CSMD1: variants seen among roughly 807,000 people sequenced by gnomAD.
CSMD1 encodes CUB and sushi domain-containing protein 1.
In CSMD1, 213 loss-of-function variants were observed where a neutral mutation model predicts 417.5. That is an observed-to-expected ratio of 0.51 (90% confidence interval 0.46 to 0.57). The LOEUF is 0.57. Among genes scored for constraint, CSMD1 ranks in the 20% least tolerant of loss-of-function variants. CSMD1 has a pLI of 0.00. For missense variants in CSMD1, 6,923 were observed against 4,529.7 expected, an observed-to-expected ratio of 1.53 and a Z score of -15.17; for synonymous variants, 2,862 against 1,736.8, an observed-to-expected ratio of 1.65 and a Z score of -16.11.
At chr8:3,244,704 G>A (rs961685577) in intron 26 of CSMD1, among the ~76,000 whole-genome samples, 2 of 152,176 alleles carry the variant, frequency 1.3e-5, no homozygotes, top group Non-Finnish European at 2.9e-5. Flanking sequence ...CCTGGACGGT[G>A]AATGGAAAAG....
intron 5 of CSMD1, among the ~76,000 whole-genome samples, chr8:3,872,060 G>C (rs962130124): frequency 6.6e-6 from 1 of 152,144 alleles, no homozygotes; most frequent in Non-Finnish European, 1.5e-5. Context: ...TGCTCTTTTA[G>C]GATACAACCT....
chr8:4,423,694 T>C (rs142323363), intron 2 of CSMD1, among the ~76,000 whole-genome samples: 1 of 151,832 alleles, frequency 6.6e-6, no homozygotes, highest in East Asian at 1.9e-4. Flanking sequence ...TTTGGGTATA[T>C]AGCAAGATCT....
chr8:3,019,603 A>G (rs1325208918), intron 51 of CSMD1, among the ~76,000 whole-genome samples: 5 of 152,206 alleles, frequency 3.3e-5, no homozygotes, highest in African/African-American at 9.6e-5. Flanking sequence ...TCCACAAACT[A>G]AAACGTGCAT....
chr8:3,911,453 G>A (rs1036873712), intron 5 of CSMD1, among the ~76,000 whole-genome samples: 4 of 151,676 alleles, frequency 2.6e-5, no homozygotes, highest in African/African-American at 4.8e-5. Context: ...GCGTGAACCC[G>A]CGAGGCGGAG....
intron 2 of CSMD1, among the ~76,000 whole-genome samples, chr8:4,505,391 GATAA>G (rs570391522): frequency 2.5e-3 from 381 of 152,206 alleles, no homozygotes; most frequent in Non-Finnish European, 3.1e-3. Context: ...TTTCTAAGAT[GATAA>G]ATAAAGATAT....
intron 2 of CSMD1, among the ~76,000 whole-genome samples, chr8:4,530,520 G>T (rs1170103186): frequency 1.3e-5 from 2 of 148,414 alleles, no homozygotes; most frequent in African/African-American, 2.5e-5. Context: ...ACAGGCCCCA[G>T]TGTGTGATGT....
At chr8:4,767,640 C>G (rs1418136022) in intron 1 of CSMD1, among the ~76,000 whole-genome samples, 1 of 152,198 alleles carries the variant, frequency 6.6e-6, no homozygotes, top group East Asian at 1.9e-4. Context: ...GCTTCTTCGT[C>G]TTTCGTTATT....
intron 3 of CSMD1, among the ~76,000 whole-genome samples, chr8:4,418,486 C>A (rs1481561779): frequency 2.0e-5 from 3 of 152,034 alleles, no homozygotes; most frequent in African/African-American, 7.2e-5. Flanking sequence ...TCTAACAAGA[C>A]CACCTTTTCA....
chr8:4,310,167 C>A (rs1257028242), intron 3 of CSMD1, among the ~76,000 whole-genome samples: 1 of 152,162 alleles, frequency 6.6e-6, no homozygotes, highest in Admixed American at 6.5e-5. Flanking sequence ...CCAGGTATTG[C>A]ATCAGACCAT....
chr8:4,582,680 C>A (rs889517334), intron 2 of CSMD1, among the ~76,000 whole-genome samples: 6 of 152,220 alleles, frequency 3.9e-5, no homozygotes, highest in Non-Finnish European at 8.8e-5. Context: ...TCCTCCCAGC[C>A]CTCGCTCGCT....
At chr8:3,052,757 T>G in intron 49 of CSMD1, 110 bp from the exon 50 acceptor site, 1 of 786,388 alleles carries the variant, frequency 1.3e-6, no homozygotes, top group Non-Finnish European at 1.9e-6. Context: ...TCATTAAAAT[T>G]GTGAATTATA....
chr8:4,913,591 G>A (rs1400068596), intron 1 of CSMD1, among the ~76,000 whole-genome samples: 1 of 152,158 alleles, frequency 6.6e-6, no homozygotes, highest in African/African-American at 2.4e-5. Context: ...ATTTAATAAT[G>A]CTCCCATCCA....
intron 12 of CSMD1, among the ~76,000 whole-genome samples, chr8:3,415,967 T>G (rs778925449): frequency 2.0e-5 from 3 of 152,190 alleles, no homozygotes; most frequent in Non-Finnish European, 4.4e-5. Context: ...GAGTAGCCAC[T>G]AGCTACAGTG....
chr8:4,931,776 G>C (rs758120638), intron 1 of CSMD1, among the ~76,000 whole-genome samples: 1 of 152,164 alleles, frequency 6.6e-6, no homozygotes, highest in Non-Finnish European at 1.5e-5. Context: ...CCACAGAAAG[G>C]GTGGTGAGGC....
At chr8:3,759,709 T>C (rs1287849209) in intron 5 of CSMD1, among the ~76,000 whole-genome samples, 4 of 141,750 alleles carry the variant, frequency 2.8e-5, no homozygotes, top group African/African-American at 1.1e-4. Context: ...GCCTGAGCAA[T>C]ATGGTGAAAC....
chr8:4,526,691 G>C (rs56270114), intron 2 of CSMD1, among the ~76,000 whole-genome samples: 2 of 152,106 alleles, frequency 1.3e-5, no homozygotes, highest in Admixed American at 6.5e-5. Context: ...AACCAGAAAC[G>C]TAGGGTTATT....
At chr8:3,091,313 T>C (rs1253295865) in intron 48 of CSMD1, among the ~76,000 whole-genome samples, 3 of 152,158 alleles carry the variant, frequency 2.0e-5, no homozygotes, top group African/African-American at 7.2e-5. Context: ...AACAATAAAA[T>C]TCTAAATATT....
intron 3 of CSMD1, among the ~76,000 whole-genome samples, chr8:4,137,587 G>A (rs1255377750): frequency 1.5e-5 from 2 of 131,264 alleles, no homozygotes; most frequent in Non-Finnish European, 3.5e-5. Flanking sequence ...TAATGGAACT[G>A]GTTGGTTTGT....
chr8:4,460,904 C>G (rs1799775386), intron 2 of CSMD1, among the ~76,000 whole-genome samples: 1 of 152,094 alleles, frequency 6.6e-6, no homozygotes, highest in African/African-American at 2.4e-5. Flanking sequence ...AGAGGGATCA[C>G]ATTCCAACTT....
Sources: gnomAD v4.1 joint callset for allele counts (sites outside exome capture counted in the v4.1 genomes callset) on GRCh38, gnomAD v4.1.1 for gene constraint, MANE v1.5 for transcripts, NCBI Gene and HGNC (gene_info 2026-07-23, HGNC 2026-07-21) for gene names.